The following PCF11 variants were observed in gnomAD, a reference collection of about 807,000 sequenced individuals.
PCF11 encodes PCF11 cleavage and polyadenylation factor subunit, also known as pre-mRNA cleavage complex 2 protein Pcf11.
PCF11 carries 19 observed loss-of-function variants against 166.1 expected under a neutral mutation model. That is an observed-to-expected ratio of 0.11 (90% CI 0.08 to 0.17). PCF11 has a LOEUF of 0.17. Among genes scored for constraint, PCF11 ranks in the 10% least tolerant of loss-of-function variants. PCF11 has a pLI of 1.00. For missense variants in PCF11, 1,565 were observed against 1,855.5 expected, an observed-to-expected ratio of 0.84 and a Z score of 2.88; for synonymous variants, 663 against 644.1, an observed-to-expected ratio of 1.03 and a Z score of -0.44.
chr11:83,175,100 G>C (rs1052161815), intron 9 of PCF11, among the ~76,000 whole-genome samples: 2 of 152,158 alleles, frequency 1.3e-5, no homozygotes, highest in African/African-American at 4.8e-5. Flanking sequence ...GGTGTAGTGA[G>C]ATGCATCATA....
Position 83,167,157 on chromosome 11 carries a change from C to T in PCF11, c.1850C>T (p.Pro617Leu). ...CAGGTTGATGAACATAGTAAACCTC[C>T]TCATCTGAGGCATAGGGAGAGCTGG... Residue 617 changes from proline (P) to leucine (L), a missense_variant, in exon 6 of 16, where the codon CCT (proline) becomes CTT (leucine). Transcript: ENST00000298281. This position sits in a 1 kb window ranked among gnomAD's most constrained non-coding sequence, Gnocchi z 4.2. 1 of 1,613,282 alleles carries T rather than the reference C, an allele frequency of 6.2e-7. No individual in the cohort carries two copies. The highest frequency in any genetic ancestry group is 8.5e-7 in the Non-Finnish European group (1 of 1,179,426).
intron 1 of PCF11, among the ~76,000 whole-genome samples, chr11:83,160,321 GTTTTTTTTTTT>G (rs35201107): frequency 1.1e-5 from 1 of 91,268 alleles, no homozygotes; most frequent in Non-Finnish European, 2.1e-5. Context: ...GATAACCTAA[GTTTTTTTTTTT>G]TTTTTTTTTT....
chr11:83,175,389 T>A (rs1343525924), intron 9 of PCF11, among the ~76,000 whole-genome samples: 1 of 151,320 alleles, frequency 6.6e-6, no homozygotes, highest in African/African-American at 2.4e-5. Flanking sequence ...TGCATCACCC[T>A]CCCAAAGTGC....
At position 83,167,332 on chromosome 11, in the gene PCF11, G is replaced by A. The variant is rs191352115; in HGVS notation, c.2001+24G>A. ...AGGTAGTTACTATGATTAATCCCAT[G>A]TAGTCATCATTATCTATCGTCTATT... On this transcript the variant is annotated intron_variant, in intron 6 of 15. Coordinates refer to ENST00000298281, the Ensembl canonical transcript of PCF11. This position sits in a 1 kb window ranked among gnomAD's most constrained non-coding sequence, Gnocchi z 4.2. 1.9e-6 allele frequency: 3 copies of A among 1,578,014 alleles called. No homozygotes were observed. The highest frequency in any genetic ancestry group is 4.5e-5 in the East Asian group (2 of 44,392).
At chr11:83,166,960 G>GTT (rs1195615862) in intron 5 of PCF11, among the ~76,000 whole-genome samples, 165 bp from the exon 6 acceptor site, 1 of 151,948 alleles carries the variant, frequency 6.6e-6, no homozygotes, top group Non-Finnish European at 1.5e-5. Context: ...ATTCATATCT[G>GTT]TTTTTGCTGA....
chr11:83,157,262 G>C, exon 1 of PCF11: 1 of 600,708 alleles, frequency 1.7e-6, no homozygotes, highest in Non-Finnish European at 3.0e-6. Flanking sequence ...CGAGACGGCG[G>C]CGTTTCATAC....
intron 11 of PCF11, among the ~76,000 whole-genome samples, chr11:83,179,484 A>G (rs957101780): frequency 1.4e-4 from 21 of 152,224 alleles, no homozygotes; most frequent in African/African-American, 4.8e-4. Flanking sequence ...TCCTGGGCTC[A>G]AGTCATCTGC....
exon 8 of PCF11, chr11:83,169,476 A>G: frequency 1.2e-6 from 2 of 1,613,112 alleles, no homozygotes; most frequent in Non-Finnish European, 1.7e-6. Flanking sequence ...GTCAGCCGTC[A>G]CTCTTGCCAA....
At chr11:83,178,826 A>AT (rs1554987700) in intron 11 of PCF11, among the ~76,000 whole-genome samples, 167 of 152,004 alleles carry the variant, frequency 1.1e-3, no homozygotes, top group African/African-American at 3.9e-3. Flanking sequence ...AAAAAAAAAA[A>AT]ATCTATTTTT....
intron 2 of PCF11, 40 bp from the exon 3 acceptor site, chr11:83,163,639 T>G: frequency 1.4e-6 from 1 of 732,654 alleles, no homozygotes; most frequent in South Asian, 3.6e-5. Flanking sequence ...AAATATTCTA[T>G]AGTAACTTAA....
At chr11:83,185,676 G>GA (rs1279641084) in exon 16 of PCF11, 1 of 152,484 alleles carries the variant, frequency 6.6e-6, no homozygotes, top group East Asian at 1.9e-4. Context: ...TAAGTAACGG[G>GA]AATCTGTAAG....
chr11:83,177,290 T>A, intron 10 of PCF11, 86 bp downstream of exon 10: 1 of 1,010,860 alleles, frequency 9.9e-7, no homozygotes, highest in Non-Finnish European at 1.4e-6. Context: ...TAAGTTATGA[T>A]AAAGGTCCTT....
At chr11:83,162,509 C>A (rs747111702) in intron 2 of PCF11, among the ~76,000 whole-genome samples, 1 of 152,200 alleles carries the variant, frequency 6.6e-6, no homozygotes, top group South Asian at 2.1e-4. Flanking sequence ...ATACTGCTAA[C>A]CAGAGGCTGT....
chr11:83,166,133 C>G (rs773499633), exon 5 of PCF11: 2 of 1,610,466 alleles, frequency 1.2e-6, no homozygotes, highest in Non-Finnish European at 1.7e-6. Context: ...AGGATAAGAC[C>G]GATGGCAAAG....
In PCF11 at chr11:83,181,378, T is replaced by TA. The variant is rs578064780; in HGVS notation, c.4167+193dup. ...ACCCCTAGAATATAAACAGATTTTTTAAAAAATGAATTTTGAAGAGTATTT... is the reference window on the plus strand; with the variant it reads ...ACCCCTAGAATATAAACAGATTTTTTAAAAAAATGAATTTTGAAGAGTATTT... On this transcript the variant is annotated intron_variant, in intron 12 of 15. Coordinates refer to ENST00000298281, the Ensembl canonical transcript of PCF11. 4.0e-3 allele frequency among the ~76,000 whole-genome samples: 599 copies of TA among 151,612 alleles called. 2 individuals carry two copies. Among genetic ancestry groups the TA allele is most frequent in the African/African-American group, 0.014 (572 of 41,386 alleles).
chr11:83,183,769 C>T (rs544364431), intron 15 of PCF11, among the ~76,000 whole-genome samples: 19 of 151,952 alleles, frequency 1.3e-4, no homozygotes, highest in Middle Eastern at 6.8e-3. Flanking sequence ...GGATTATAGG[C>T]GTGAGCCACC....
intron 1 of PCF11, among the ~76,000 whole-genome samples, chr11:83,160,454 G>A (rs1476612602): frequency 2.0e-5 from 3 of 148,650 alleles, no homozygotes; most frequent in Non-Finnish European, 3.0e-5. Flanking sequence ...GATGCTTTCT[G>A]GAAGCTTGCT....
rs537417091 is a variant in PCF11 at position 83,176,748 on chromosome 11, G to A, written c.3758-337G>A. On this transcript the variant is annotated intron_variant, in intron 9 of 15. Transcript: ENST00000298281. ...AAATACCTAATGTAAATGACGAGTT[G>A]ATTGGTGCAGCAAATCAACATGGCA... 1.1e-3 allele frequency among the ~76,000 whole-genome samples: 163 copies of A among 151,946 alleles called. 1 individual carries two copies. Among genetic ancestry groups the A allele is most frequent in the Non-Finnish European group, 1.7e-3 (114 of 67,976 alleles).
exon 5 of PCF11, chr11:83,166,634 T>A: frequency 1.2e-6 from 2 of 1,612,492 alleles, no homozygotes; most frequent in Non-Finnish European, 1.7e-6. Context: ...AGTCAGGCAC[T>A]GAACCAAAGG....
Sources: allele counts gnomAD v4.1 joint callset (sites outside exome capture counted in the v4.1 genomes callset), GRCh38; gene constraint gnomAD v4.1.1; non-coding constraint Gnocchi (gnomAD v3.1); transcripts MANE v1.5; gene names NCBI Gene and HGNC (gene_info 2026-07-23, HGNC 2026-07-21).